The following PATJ variants were observed in gnomAD, a reference collection of about 807,000 sequenced individuals.
PATJ encodes the protein PATJ crumbs cell polarity complex component, also known as inaD-like protein.
A neutral mutation model predicts 224.9 loss-of-function variants in PATJ; 190 were observed. The ratio of observed to expected loss-of-function variants is 0.84; its 90% confidence interval spans 0.75 to 0.95. PATJ has a LOEUF of 0.95. Ranked by LOEUF, PATJ falls within the 40% of genes least tolerant of loss-of-function variation. The pLI is 0.00. For missense variants in PATJ, 2,121 were observed against 2,270.3 expected, an observed-to-expected ratio of 0.93 and a Z score of 1.34; for synonymous variants, 769 against 820.3, an observed-to-expected ratio of 0.94 and a Z score of 1.07.
intron 41 of PATJ, among the ~76,000 whole-genome samples, chr1:62,131,949 A>T (rs1452693213): frequency 6.6e-6 from 1 of 151,810 alleles, no homozygotes; most frequent in African/African-American, 2.4e-5. Flanking sequence ...CCCGGGTTCA[A>T]GCAAGTCTCC....
intron 12 of PATJ, among the ~76,000 whole-genome samples, chr1:61,804,192 AT>A (rs1653084112): frequency 6.6e-6 from 1 of 152,176 alleles, no homozygotes; most frequent in Non-Finnish European, 1.5e-5. Context: ...TCTTAATGTA[AT>A]TTCTTAAGGA....
chr1:61,812,437 T>A (rs139694551), intron 14 of PATJ, among the ~76,000 whole-genome samples: 21,385 of 94,802 alleles, frequency 0.23, 1,774 homozygotes, highest in African/African-American at 0.25. Context: ...AGAGAGAGTG[T>A]GTGTGTGTGT....
chr1:61,788,016 T>C (rs760764287), intron 8 of PATJ, 44 bp downstream of exon 8: 1 of 1,432,594 alleles, frequency 7.0e-7, no homozygotes, highest in East Asian at 2.3e-5. Flanking sequence ...AAAGCCTGGG[T>C]GTGACACACT....
At chr1:62,108,259 C>A (rs1663349096) in intron 33 of PATJ, among the ~76,000 whole-genome samples, 178 bp from the exon 34 acceptor site, 1 of 152,110 alleles carries the variant, frequency 6.6e-6, no homozygotes, top group Non-Finnish European at 1.5e-5. Context: ...AAATAATAAT[C>A]TTAGGAAAAT....
intron 27 of PATJ, among the ~76,000 whole-genome samples, chr1:61,976,353 T>A (rs78957648): frequency 0.028 from 4,199 of 152,150 alleles, 168 homozygotes; most frequent in African/African-American, 0.072. Flanking sequence ...AGCTTCATTA[T>A]CTGTAAGATG....
chr1:62,157,076 C>G (rs1043531892), intron 43 of PATJ, among the ~76,000 whole-genome samples: 1 of 152,138 alleles, frequency 6.6e-6, no homozygotes, highest in Non-Finnish European at 1.5e-5. Context: ...GTAATCCCAG[C>G]ACTTTGGGAG....
At chr1:62,005,935 C>T (rs1003946342) in intron 28 of PATJ, among the ~76,000 whole-genome samples, 4 of 152,072 alleles carry the variant, frequency 2.6e-5, no homozygotes, top group African/African-American at 4.8e-5. Flanking sequence ...TATATTATGA[C>T]GTGATATTCA....
At chr1:61,910,536 CTTTTTTT>C (rs71050181) in intron 25 of PATJ, among the ~76,000 whole-genome samples, 23 of 42,266 alleles carry the variant, frequency 5.4e-4, no homozygotes, top group Middle Eastern at 0.031. Flanking sequence ...CAAAGTGACT[CTTTTTTT>C]TTTTTTTTTT....
At chr1:61,947,017 G>A (rs564912092) in intron 27 of PATJ, among the ~76,000 whole-genome samples, 1 of 152,210 alleles carries the variant, frequency 6.6e-6, no homozygotes, top group Non-Finnish European at 1.5e-5. Flanking sequence ...AAATTCAACA[G>A]CCCTTCATGC....
intron 38 of PATJ, among the ~76,000 whole-genome samples, chr1:62,121,564 G>A (rs1313929852): frequency 6.6e-6 from 1 of 151,656 alleles, no homozygotes; most frequent in East Asian, 1.9e-4. Flanking sequence ...TCAGGAGATC[G>A]AGACCATCCT....
chr1:61,772,376 CT>C, intron 6 of PATJ, among the ~76,000 whole-genome samples: 1 of 151,948 alleles, frequency 6.6e-6, no homozygotes, highest in Non-Finnish European at 1.5e-5. Context: ...TTATAGCAGG[CT>C]TTTTTTCATG....
intron 27 of PATJ, among the ~76,000 whole-genome samples, chr1:61,974,399 C>T (rs1368166101): frequency 7.2e-6 from 1 of 138,310 alleles, no homozygotes; most frequent in Non-Finnish European, 1.5e-5. Context: ...CTCTCTCTCT[C>T]TCTCTCTTTT....
At chr1:61,964,644 C>T (rs921881580) in intron 27 of PATJ, among the ~76,000 whole-genome samples, 3 of 151,330 alleles carry the variant, frequency 2.0e-5, no homozygotes, top group African/African-American at 7.3e-5. Flanking sequence ...CAAAAATTAA[C>T]TGGGCGTGGT....
chr1:62,127,772 A>G (rs1362673929), intron 39 of PATJ, among the ~76,000 whole-genome samples, 200 bp from the exon 40 acceptor site: 1 of 151,656 alleles, frequency 6.6e-6, no homozygotes, highest in African/African-American at 2.4e-5. Flanking sequence ...GTGCCATTGC[A>G]CTCCAGCCTG....
rs189933916 is a variant in PATJ at position 61,900,633 on chromosome 1, G to A, written c.3204-649G>A. 2.8e-3 allele frequency among the ~76,000 whole-genome samples: 425 copies of A among 151,594 alleles called. 3 individuals are homozygous for A. Among genetic ancestry groups the A allele is most frequent in the African/African-American group, 9.1e-3 (375 of 41,312 alleles). On this transcript the variant is annotated intron_variant, in intron 23 of 43. Coordinates refer to ENST00000642238, the MANE Select transcript of PATJ (RefSeq NM_001350145.3). Reference sequence around the variant, plus strand: ...GAGACGGAGTCTGGCTCTGTCGCCCGGGCTGGAGTGCAGTGGCGCAATCTC... The same window carrying A: ...GAGACGGAGTCTGGCTCTGTCGCCCAGGCTGGAGTGCAGTGGCGCAATCTC...
At chr1:62,015,097 C>G (rs941288172) in intron 28 of PATJ, among the ~76,000 whole-genome samples, 1 of 151,872 alleles carries the variant, frequency 6.6e-6, no homozygotes, top group East Asian at 1.9e-4. Context: ...GTCAGGGGGT[C>G]AAGACCAGCC....
chr1:62,105,214 G>A (rs916751153), intron 33 of PATJ, among the ~76,000 whole-genome samples: 3 of 152,094 alleles, frequency 2.0e-5, no homozygotes, highest in Non-Finnish European at 2.9e-5. Context: ...AATTCAGACC[G>A]CTTTTATGGA....
chr1:61,919,617 A>G (rs751624909), intron 26 of PATJ, among the ~76,000 whole-genome samples: 1 of 152,008 alleles, frequency 6.6e-6, no homozygotes, highest in Non-Finnish European at 1.5e-5. Context: ...AGTTTTGCTA[A>G]GTTCCTGTTT....
chr1:62,002,163 T>C (rs1264826894), intron 28 of PATJ, among the ~76,000 whole-genome samples: 1 of 152,116 alleles, frequency 6.6e-6, no homozygotes, highest in East Asian at 1.9e-4. Context: ...CTAGAGGCTT[T>C]GGGATCAGGA....
Sources: allele counts gnomAD v4.1 joint callset (sites outside exome capture counted in the v4.1 genomes callset), GRCh38; gene constraint gnomAD v4.1.1; transcripts MANE v1.5; gene names NCBI Gene and HGNC (gene_info 2026-07-23, HGNC 2026-07-21).